Variants in LINGO2 observed in about 807,000 individuals in gnomAD.
LINGO2 encodes leucine rich repeat and Ig domain containing 2, also known as leucine-rich repeat and immunoglobulin-like domain-containing nogo receptor-interacting protein 2.
Under a neutral mutation model 30.6 loss-of-function variants are expected in LINGO2, and 14 were observed. That is an observed-to-expected ratio of 0.46 (90% CI 0.30 to 0.72). The LOEUF (loss-of-function observed/expected upper bound fraction) is 0.72. Ranked by LOEUF, LINGO2 falls within the 30% of genes least tolerant of loss-of-function variation. The probability of loss-of-function intolerance (pLI) is 0.07; values close to 1 mark genes in which losing one functional copy is unlikely to be tolerated. For synonymous variants in LINGO2, 317 were observed against 288.5 expected (o/e 1.10, Z -1.00); for missense variants, 729 against 751.7 (o/e 0.97, Z 0.35).
At chr9:27,963,476 G>C (rs1266639538) in intron 5 of LINGO2, among the ~76,000 whole-genome samples, 1 of 152,080 alleles carries the variant, frequency 6.6e-6, no homozygotes, top group African/African-American at 2.4e-5. Context: ...GATCATGGTT[G>C]TTGTATGTTG....
At chr9:29,108,153 T>A in the LINGO2 span, among the ~76,000 whole-genome samples, 3 of 152,278 alleles carry the variant, frequency 2.0e-5, no homozygotes, top group South Asian at 6.2e-4. Context: ...CCACACAGCG[T>A]CAGCCATTCA....
At chr9:28,511,027 T>G (rs531765016) in intron 1 of LINGO2, among the ~76,000 whole-genome samples, 35 of 152,188 alleles carry the variant, frequency 2.3e-4, no homozygotes, top group Middle Eastern at 3.4e-3. Flanking sequence ...CTGATTAGAC[T>G]GTGCCCACTA....
the LINGO2 span, among the ~76,000 whole-genome samples, chr9:28,966,518 A>G: frequency 6.6e-5 from 10 of 152,100 alleles, no homozygotes; most frequent in Non-Finnish European, 1.5e-4. Context: ...CGTTAGTCAT[A>G]TATTAATTCT....
chr9:28,909,337 T>A, the LINGO2 span, among the ~76,000 whole-genome samples: 8 of 151,916 alleles, frequency 5.3e-5, no homozygotes, highest in Non-Finnish European at 8.8e-5. Flanking sequence ...AACATAGTTG[T>A]CACTAAAGTT....
chr9:28,271,947 G>C (rs1324163667), intron 4 of LINGO2, among the ~76,000 whole-genome samples: 1 of 152,138 alleles, frequency 6.6e-6, no homozygotes, highest in Non-Finnish European at 1.5e-5. Flanking sequence ...GCACATTGAG[G>C]TTTGAATACC....
intron 4 of LINGO2, among the ~76,000 whole-genome samples, chr9:28,074,718 G>T (rs1035514148): frequency 2.0e-5 from 3 of 152,100 alleles, no homozygotes; most frequent in Non-Finnish European, 2.9e-5. Flanking sequence ...TGCATTGTGT[G>T]TTGATTTTTA....
At chr9:29,206,861 GTGAA>G in the LINGO2 span, among the ~76,000 whole-genome samples, 1 of 152,112 alleles carries the variant, frequency 6.6e-6, no homozygotes, top group African/African-American at 2.4e-5. Flanking sequence ...ATTAATTGAT[GTGAA>G]TTTAACTAAT....
At chr9:28,052,978 A>G (rs564898487) in intron 4 of LINGO2, among the ~76,000 whole-genome samples, 2 of 152,252 alleles carry the variant, frequency 1.3e-5, no homozygotes, top group Non-Finnish European at 2.9e-5. Flanking sequence ...GTAAGACATT[A>G]TGCTAGAAAG....
intron 4 of LINGO2, among the ~76,000 whole-genome samples, chr9:28,192,116 T>C (rs1339924052): frequency 3.9e-5 from 6 of 152,220 alleles, no homozygotes; most frequent in Middle Eastern, 6.8e-3. Context: ...AGCCTCTTCA[T>C]GACTCTGCCA....
the LINGO2 span, among the ~76,000 whole-genome samples, chr9:29,161,709 A>G: frequency 1.3e-5 from 2 of 151,940 alleles, no homozygotes; most frequent in African/African-American, 4.8e-5. Flanking sequence ...CTTTAAAACC[A>G]CTCCCTTATG....
chr9:28,020,436 T>C (rs1196783534), intron 4 of LINGO2, among the ~76,000 whole-genome samples: 3 of 152,104 alleles, frequency 2.0e-5, no homozygotes, highest in African/African-American at 7.2e-5. Flanking sequence ...GGCTGAGACA[T>C]GCGAATCACT....
chr9:28,117,839 C>T (rs561439756), intron 4 of LINGO2, among the ~76,000 whole-genome samples: 1 of 151,920 alleles, frequency 6.6e-6, no homozygotes, highest in Non-Finnish European at 1.5e-5. Context: ...GAACCCGGTA[C>T]CTCAGATGGA....
At chr9:28,489,903 A>AT in intron 1 of LINGO2, among the ~76,000 whole-genome samples, 1 of 150,804 alleles carries the variant, frequency 6.6e-6, no homozygotes, top group Admixed American at 6.6e-5. Flanking sequence ...TCTCAAAAAA[A>AT]AAAAAAAAAA....
chr9:28,751,838 A>G, the LINGO2 span, among the ~76,000 whole-genome samples: 18 of 152,018 alleles, frequency 1.2e-4, 1 homozygote, highest in South Asian at 1.0e-3. Flanking sequence ...ACTGTGCACA[A>G]TTTGGGGACT....
intron 4 of LINGO2, among the ~76,000 whole-genome samples, chr9:28,268,035 CTATT>C (rs1822815469): frequency 6.6e-6 from 1 of 152,066 alleles, no homozygotes; most frequent in African/African-American, 2.4e-5. Context: ...ATAGTATCCA[CTATT>C]TAAAGGTCAA....
chr9:28,054,591 CTT>C (rs367737267), intron 4 of LINGO2, among the ~76,000 whole-genome samples: 25 of 152,230 alleles, frequency 1.6e-4, no homozygotes, highest in African/African-American at 5.5e-4. Flanking sequence ...ACTTACAACA[CTT>C]GATCACTCCC....
chr9:27,979,105 G>T (rs918337993), intron 5 of LINGO2, among the ~76,000 whole-genome samples: 1 of 151,994 alleles, frequency 6.6e-6, no homozygotes, highest in African/African-American at 2.4e-5. Context: ...ACCAGAAATA[G>T]AAAGTATGCT....
the LINGO2 span, among the ~76,000 whole-genome samples, chr9:29,154,369 G>A: frequency 6.7e-6 from 1 of 149,406 alleles, no homozygotes; most frequent in African/African-American, 2.5e-5. Context: ...AGAATGGCGT[G>A]AACCCGGGAG....
At chr9:28,992,581 A>C in the LINGO2 span, among the ~76,000 whole-genome samples, 1 of 152,106 alleles carries the variant, frequency 6.6e-6, no homozygotes, top group Non-Finnish European at 1.5e-5. Flanking sequence ...GCACCACACC[A>C]CACCTATTCC....
Sources: gnomAD v4.1 joint callset for allele counts (sites outside exome capture counted in the v4.1 genomes callset) on GRCh38, gnomAD v4.1.1 for gene constraint, MANE v1.5 for transcripts, NCBI Gene and HGNC (gene_info 2026-07-23, HGNC 2026-07-21) for gene names.